The following RGCC variants were observed in gnomAD, a reference collection of about 807,000 sequenced individuals.
RGCC encodes regulator of cell cycle RGCC.
RGCC carries 15 observed loss-of-function variants against 15.4 expected under a neutral mutation model. That is an observed-to-expected ratio of 0.97 (90% CI 0.65 to 1.50). The LOEUF is 1.50. Ranked by LOEUF, RGCC falls within the 40% of genes most tolerant of loss-of-function variation. The pLI is 0.00. For missense variants in RGCC, 176 were observed against 189.7 expected (o/e 0.93, Z 0.42); for synonymous variants, 81 against 78.0 (o/e 1.04, Z -0.20).
intron 2 of RGCC, among the ~76,000 whole-genome samples, chr13:41,463,180 C>A (rs1396504011): frequency 6.6e-6 from 1 of 152,184 alleles, no homozygotes; most frequent in Non-Finnish European, 1.5e-5. Context: ...CCTCTAGACA[C>A]CCACTCGACA....
chr13:41,466,288 A>AAC (rs374828713), intron 2 of RGCC, among the ~76,000 whole-genome samples: 5 of 143,238 alleles, frequency 3.5e-5, no homozygotes, highest in South Asian at 2.3e-4. Context: ...CTTTCACACA[A>AAC]ACACACACAC....
chr13:41,462,016 T>C (rs1013994684), intron 2 of RGCC, among the ~76,000 whole-genome samples: 1 of 152,248 alleles, frequency 6.6e-6, no homozygotes, highest in Non-Finnish European at 1.5e-5. Flanking sequence ...TGAGGAAAGA[T>C]GCTCTTTCTT....
intron 2 of RGCC, among the ~76,000 whole-genome samples, chr13:41,466,247 C>CCACACTCA (rs1443400542): frequency 6.7e-6 from 1 of 149,446 alleles, no homozygotes; most frequent in Non-Finnish European, 1.5e-5. Flanking sequence ...TCACACACAC[C>CCACACTCA]CACACTCACA....
At chr13:41,466,143 C>G (rs1301714965) in intron 2 of RGCC, among the ~76,000 whole-genome samples, 1 of 147,906 alleles carries the variant, frequency 6.8e-6, no homozygotes, top group Non-Finnish European at 1.5e-5. Flanking sequence ...CACACACACT[C>G]CACACTCACA....
At chr13:41,470,454 A>C in intron 4 of RGCC, 24 bp from the exon 5 acceptor site, 1 of 1,612,512 alleles carries the variant, frequency 6.2e-7, no homozygotes, top group Non-Finnish European at 8.5e-7. Context: ...TGAGTGGATA[A>C]CCTTACCTAT....
chr13:41,468,131 G>A (rs771275621), intron 3 of RGCC, among the ~76,000 whole-genome samples: 6 of 152,216 alleles, frequency 3.9e-5, no homozygotes, highest in African/African-American at 4.8e-5. Flanking sequence ...TGGAGGGGAT[G>A]AGGCTGTCCT....
chr13:41,469,223 T>G (rs2043862676), intron 4 of RGCC, among the ~76,000 whole-genome samples: 1 of 151,550 alleles, frequency 6.6e-6, no homozygotes, highest in South Asian at 2.1e-4. Context: ...ATTGCGCCAC[T>G]GTACTCCAGC....
chr13:41,467,742 T>C (rs1489388399), intron 3 of RGCC, among the ~76,000 whole-genome samples: 3 of 152,202 alleles, frequency 2.0e-5, no homozygotes, highest in Non-Finnish European at 4.4e-5. Flanking sequence ...CTTCTCAACA[T>C]AGCAACGTTA....
chr13:41,467,123 G>A (rs530822368), intron 3 of RGCC, among the ~76,000 whole-genome samples, 193 bp downstream of exon 3: 1 of 152,310 alleles, frequency 6.6e-6, no homozygotes, highest in South Asian at 2.1e-4. Context: ...GTGTGAACAT[G>A]AAATCAGATA....
At chr13:41,470,347 C>A (rs2139579586) in intron 4 of RGCC, 131 bp from the exon 5 acceptor site, 1 of 894,634 alleles carries the variant, frequency 1.1e-6, no homozygotes, top group Non-Finnish European at 1.8e-6. Flanking sequence ...TCCAGTTAAT[C>A]AGACACTCAT....
At chr13:41,467,047 G>A (rs2043852891) in intron 3 of RGCC, 117 bp downstream of exon 3, 3 of 701,970 alleles carry the variant, frequency 4.3e-6, no homozygotes, top group Non-Finnish European at 7.7e-6. Flanking sequence ...AAACAAATAG[G>A]TAAGACTAAT....
chr13:41,458,860 A>G lies in RGCC; in HGVS notation c.235+390A>G, dbSNP rs2043807556. On this transcript the variant is annotated intron_variant, in intron 2 of 4. Coordinates refer to ENST00000379359, the MANE Select transcript of RGCC (RefSeq NM_014059.3). This position sits in a 1 kb window ranked among gnomAD's most constrained non-coding sequence, Gnocchi z 4.4. Reference sequence around the variant, plus strand: ...TGGAATGAGGGGGCACAGTGGGGACATGGGAGGGCGCAGAACGGAAATATT... The same window carrying G: ...TGGAATGAGGGGGCACAGTGGGGACGTGGGAGGGCGCAGAACGGAAATATT... 6.6e-6 allele frequency among the ~76,000 whole-genome samples: 1 copy of G among 152,178 alleles called. No individual in the cohort carries two copies. The highest frequency in any genetic ancestry group is 1.5e-5 in the Non-Finnish European group (1 of 68,020).
intron 2 of RGCC, among the ~76,000 whole-genome samples, chr13:41,463,481 G>C (rs61964005): frequency 1.6e-4 from 1 of 6,430 alleles, no homozygotes; most frequent in African/African-American, 2.0e-4. Flanking sequence ...GTGTGTGTGT[G>C]TGTGTGTGTG....
Position 41,458,505 on chromosome 13 carries a change from C to T in RGCC, c.235+35C>T. ...GCCCCCGCTAGGATGGCGCCGGGAT[C>T]TCCCAGCTCCCAGGACCTGCCCCGC... is the stretch of plus-strand genomic sequence containing the variant. On this transcript the variant is annotated intron_variant, in intron 2 of 4. Coordinates refer to ENST00000379359, the MANE Select transcript of RGCC (RefSeq NM_014059.3). This position sits in a 1 kb window ranked among gnomAD's most constrained non-coding sequence, Gnocchi z 4.4. 1 of 1,561,726 alleles carries T rather than the reference C, an allele frequency of 6.4e-7. No homozygotes were observed. The highest frequency in any genetic ancestry group is 8.6e-7 in the Non-Finnish European group (1 of 1,158,990).
At chr13:41,459,335 T>G (rs1202653428) in intron 2 of RGCC, among the ~76,000 whole-genome samples, 1 of 152,240 alleles carries the variant, frequency 6.6e-6, no homozygotes, top group Non-Finnish European at 1.5e-5. Flanking sequence ...GCAAAGTCAA[T>G]TTTAAACTCT....
Position 41,457,746 on chromosome 13 carries a change from C to T in RGCC, c.39C>T (p.Ala13=), listed in dbSNP as rs2043799732. 2.9e-6 allele frequency: 4 copies of T among 1,399,854 alleles called. No homozygotes were observed. In the African/African-American group the frequency reaches 4.6e-5, roughly 16 times the overall value. 86.7% of individuals were successfully genotyped at this position (1,399,854 alleles called of 1,614,324 possible). The change falls in exon 1 of 5, where the codon GCC becomes GCT. Residue 13 remains alanine (A), a synonymous_variant. Transcript: ENST00000379359. The surrounding 1 kb of genome is among the most constrained non-coding windows in gnomAD (Gnocchi z 4.9). Reference sequence around the variant, plus strand: ...CGGCGCAGGGCAGCCCCGCGGCCGCCGCGGCCGCAGGTGAGTGCGGGGTCC... The same window carrying T: ...CGGCGCAGGGCAGCCCCGCGGCCGCTGCGGCCGCAGGTGAGTGCGGGGTCC... The part of the protein sequence containing the change: ...PPAAQGSPAA[A]AAAAPALDSA...
chr13:41,457,781 T>G lies in RGCC; in HGVS notation c.49+25T>G. ...GGTGAGTGCGGGGTCCGGGGTCCCC[T>G]TAAAGTCTCGGCTCTGCAGATGGCG... On this transcript the variant is annotated intron_variant, in intron 1 of 4. Coordinates refer to ENST00000379359, the MANE Select transcript of RGCC (RefSeq NM_014059.3). This position sits in a 1 kb window ranked among gnomAD's most constrained non-coding sequence, Gnocchi z 4.9. The G allele has an allele frequency of 1.5e-6, 2 of 1,369,168 alleles. No homozygotes were observed. The highest frequency in any genetic ancestry group is 1.9e-6 in the Non-Finnish European group (2 of 1,064,238). The allele number at this position is 1,369,168 out of a possible 1,614,324, so 84.8% of individuals were successfully genotyped here. A position where few individuals can be genotyped will look rare whatever the true frequency, so the allele number is the denominator to read the frequency against.
At chr13:41,469,304 G>T (rs940038318) in intron 4 of RGCC, among the ~76,000 whole-genome samples, 7,143 of 90,158 alleles carry the variant, frequency 0.079, 184 homozygotes, top group Middle Eastern at 0.13. Flanking sequence ...ATAAGAAGAA[G>T]AAGAAGAAGA....
intron 2 of RGCC, among the ~76,000 whole-genome samples, chr13:41,461,596 G>C (rs545661746): frequency 6.6e-6 from 1 of 152,236 alleles, no homozygotes; most frequent in Admixed American, 6.5e-5. Context: ...TTCCTTTGAC[G>C]GGGGAGTGTT....
Sources: gnomAD v4.1 joint callset for allele counts (sites outside exome capture counted in the v4.1 genomes callset) on GRCh38, gnomAD v4.1.1 for gene constraint, Gnocchi (gnomAD v3.1) non-coding constraint, MANE v1.5 for transcripts, NCBI Gene and HGNC (gene_info 2026-07-23, HGNC 2026-07-21) for gene names.